The following GAD2 variants were observed in gnomAD, a reference collection of about 807,000 sequenced individuals.
GAD2 encodes 65 kDa glutamic acid decarboxylase.
In GAD2, 22 loss-of-function variants were observed where a neutral mutation model predicts 80.1. The observed-to-expected ratio is 0.27, with a 90% CI of 0.20 to 0.39. The LOEUF (loss-of-function observed/expected upper bound fraction) is 0.39. GAD2 is among the 10% of genes least tolerant of loss of function. GAD2 has a pLI of 1.00. For missense variants in GAD2, 624 were observed against 738.4 expected (o/e 0.85, Z 1.80); for synonymous variants, 274 against 256.9 (o/e 1.07, Z -0.64).
intron 11 of GAD2, among the ~76,000 whole-genome samples, chr10:26,280,590 G>A (rs1384168123): frequency 6.6e-6 from 1 of 152,100 alleles, no homozygotes; most frequent in Non-Finnish European, 1.5e-5. Flanking sequence ...TAGGATGGGA[G>A]GCAGGTTTCC....
In GAD2 at chr10:26,269,068, G is replaced by A. The variant is rs368087130; in HGVS notation, c.921-51G>A. 28 of 1,443,490 alleles carry A rather than the reference G, an allele frequency of 1.9e-5. No individual in the cohort carries two copies. In the African/African-American group the frequency reaches 3.7e-4, roughly 19 times the overall value. The allele number at this position is 1,443,490 out of a possible 1,614,324, so 89.4% of individuals were successfully genotyped here. A position where few individuals can be genotyped will look rare whatever the true frequency, so the allele number is the denominator to read the frequency against. ...CTCCTGCGGCCACTTACGTTGTAAAGACGATGAAGCAAATTATTCAAAGCA... is the reference window on the plus strand; with the variant it reads ...CTCCTGCGGCCACTTACGTTGTAAAAACGATGAAGCAAATTATTCAAAGCA... On this transcript the variant is annotated intron_variant, in intron 8 of 15. Coordinates refer to ENST00000376261, the MANE Select transcript of GAD2 (RefSeq NM_001134366.2).
At chr10:26,245,790 C>T (rs1844801597) in intron 7 of GAD2, 131 bp from the exon 8 acceptor site, 1 of 709,924 alleles carries the variant, frequency 1.4e-6, no homozygotes, top group Non-Finnish European at 2.3e-6. Flanking sequence ...GCCATCTTCT[C>T]TCAGCAGCCC....
chr10:26,271,429 G>C (rs534413171), intron 10 of GAD2, among the ~76,000 whole-genome samples: 1 of 152,202 alleles, frequency 6.6e-6, no homozygotes, highest in South Asian at 2.1e-4. Flanking sequence ...GTTTAGATTA[G>C]TATTACTCAA....
chr10:26,280,790 C>T (rs765550508), intron 11 of GAD2, among the ~76,000 whole-genome samples: 1 of 152,072 alleles, frequency 6.6e-6, no homozygotes, highest in African/African-American at 2.4e-5. Flanking sequence ...GTGCTGGGTA[C>T]ACCAAAAGGC....
At chr10:26,267,778 A>G (rs1319154287) in intron 8 of GAD2, among the ~76,000 whole-genome samples, 1 of 152,194 alleles carries the variant, frequency 6.6e-6, no homozygotes, top group African/African-American at 2.4e-5. Flanking sequence ...CCTGAAAAAA[A>G]AAAAGGGTCA....
chr10:26,291,018 A>T (rs1834209574), intron 13 of GAD2, among the ~76,000 whole-genome samples: 1 of 152,206 alleles, frequency 6.6e-6, no homozygotes, highest in African/African-American at 2.4e-5. Flanking sequence ...TAGTAATCCC[A>T]TTGCTGTTGC....
chr10:26,271,979 C>T (rs541570769), intron 10 of GAD2, among the ~76,000 whole-genome samples: 5 of 152,250 alleles, frequency 3.3e-5, no homozygotes, highest in South Asian at 2.1e-4. Context: ...AGGCTGCTCT[C>T]GAACTCCTGA....
At chr10:26,243,064 G>A (rs1318411356) in intron 7 of GAD2, among the ~76,000 whole-genome samples, 3 of 151,932 alleles carry the variant, frequency 2.0e-5, no homozygotes, top group African/African-American at 4.8e-5. Flanking sequence ...TTTTTGGTGG[G>A]GGAGGTCATG....
intron 12 of GAD2, among the ~76,000 whole-genome samples, chr10:26,284,228 A>T (rs147694287): frequency 1.3e-5 from 2 of 152,198 alleles, no homozygotes; most frequent in Non-Finnish European, 2.9e-5. Context: ...GAGAGTTCTC[A>T]GTTTTAAAAA....
At chr10:26,300,065 A>C (rs1295438098) in intron 15 of GAD2, among the ~76,000 whole-genome samples, 3 of 152,172 alleles carry the variant, frequency 2.0e-5, no homozygotes, top group Admixed American at 2.0e-4. Flanking sequence ...GGATGATGAA[A>C]GGTCTTTGCA....
At chr10:26,290,421 A>T (rs1298677678) in intron 13 of GAD2, among the ~76,000 whole-genome samples, 1 of 152,222 alleles carries the variant, frequency 6.6e-6, no homozygotes, top group Non-Finnish European at 1.5e-5. Context: ...CAGGATAGGT[A>T]GAAGAAGTAG....
At position 26,250,567 on chromosome 10, in the gene GAD2, G is replaced by A. The variant is rs1050290759; in HGVS notation, c.920+4567G>A. Among the ~76,000 whole-genome samples the A allele has an allele frequency of 5.3e-5, 8 of 151,772 alleles. No homozygotes were observed. In the East Asian group the frequency reaches 1.4e-3, roughly 26 times the overall value. ...AAGGAAGTGGGAAAGAGCAAACAGA[G>A]TAAGAAATAAAAGGTGGGAAAAAAT... On this transcript the variant is annotated intron_variant, in intron 8 of 15. Transcript: ENST00000376261.
intron 7 of GAD2, 82 bp from the exon 8 acceptor site, chr10:26,245,839 G>A: frequency 2.7e-6 from 3 of 1,116,724 alleles, no homozygotes; most frequent in Admixed American, 4.1e-5. Flanking sequence ...AAGGAAAAAA[G>A]GAAAACAGAA....
At chr10:26,223,662 C>G (rs541915273) in intron 4 of GAD2, among the ~76,000 whole-genome samples, 1 of 150,490 alleles carries the variant, frequency 6.6e-6, no homozygotes, top group African/African-American at 2.5e-5. Context: ...AAGTAGTCTT[C>G]GTGGTTAGAG....
At chr10:26,264,085 G>A (rs1845040259) in intron 8 of GAD2, among the ~76,000 whole-genome samples, 1 of 152,150 alleles carries the variant, frequency 6.6e-6, no homozygotes, top group African/African-American at 2.4e-5. Context: ...TAATAACAAT[G>A]TAACAATGTT....
intron 12 of GAD2, among the ~76,000 whole-genome samples, chr10:26,283,405 G>A (rs1379589419): frequency 2.0e-5 from 3 of 152,224 alleles, no homozygotes; most frequent in East Asian, 3.8e-4. Context: ...TTAGGTCCAT[G>A]TATACCGTGG....
At position 26,270,691 on chromosome 10, in the gene GAD2, G is replaced by T; in HGVS notation, c.1027G>T (p.Ala343Ser). 1 of 1,614,160 alleles carries T rather than the reference G, an allele frequency of 6.2e-7. No individual in the cohort carries two copies. Among genetic ancestry groups the T allele is most frequent in the Non-Finnish European group, 8.5e-7 (1 of 1,180,004 alleles). The change falls in exon 10 of 16, where the codon GCA (alanine) becomes TCA (serine). Residue 343 changes from alanine to serine, a missense_variant. Ala to Ser is a moderately conservative substitution (Grantham distance 99). Coordinates refer to ENST00000376261, the MANE Select transcript of GAD2 (RefSeq NM_001134366.2). ...CACAGCTGGAACCACCGTGTACGGA[G>T]CATTTGACCCCCTCTTAGCTGTCGC... Reference protein sequence around the residue: ...SATAGTTVYGAFDPLLAVADI... With the variant: ...SATAGTTVYGSFDPLLAVADI...
chr10:26,226,418 C>A (rs758475368), intron 6 of GAD2, among the ~76,000 whole-genome samples: 2 of 152,198 alleles, frequency 1.3e-5, no homozygotes, highest in Admixed American at 1.3e-4. Flanking sequence ...TTTGCTCTTA[C>A]GCCAAGATGC....
At chr10:26,221,901 TG>T (rs1010375353) in intron 4 of GAD2, among the ~76,000 whole-genome samples, 2 of 152,108 alleles carry the variant, frequency 1.3e-5, no homozygotes, top group Non-Finnish European at 2.9e-5. Flanking sequence ...ACCTGACCTA[TG>T]GGGGCAGGTC....
Sources: gnomAD v4.1 joint callset for allele counts (sites outside exome capture counted in the v4.1 genomes callset) on GRCh38, gnomAD v4.1.1 for gene constraint, MANE v1.5 for transcripts, NCBI Gene and HGNC (gene_info 2026-07-23, HGNC 2026-07-21) for gene names.